The following PCDH15 variants were observed in gnomAD, a reference collection of about 807,000 sequenced individuals.
The protein encoded by PCDH15 is protocadherin related 15.
A neutral mutation model predicts 178.5 loss-of-function variants in PCDH15; 129 were observed. The observed-to-expected ratio is 0.72, with a 90% confidence interval of 0.63 to 0.84. The LOEUF is 0.84. PCDH15 is among the 40% of genes least tolerant of loss of function. The probability of loss-of-function intolerance (pLI) is 0.00; values close to 1 mark genes in which losing one functional copy is unlikely to be tolerated. For missense variants in PCDH15, 2,230 were observed against 2,099.9 expected (o/e 1.06, Z -1.21); for synonymous variants, 800 against 732.0 (o/e 1.09, Z -1.50).
intron 5 of PCDH15, among the ~76,000 whole-genome samples, chr10:54,348,507 C>T (rs1259992395): frequency 1.3e-5 from 2 of 152,052 alleles, no homozygotes; most frequent in African/African-American, 4.8e-5. Flanking sequence ...AAAAGACATC[C>T]TTATCTTTTA....
chr10:55,275,712 T>C (rs1842576719), intron 1 of PCDH15, among the ~76,000 whole-genome samples: 1 of 151,586 alleles, frequency 6.6e-6, no homozygotes, highest in African/African-American at 2.4e-5. Context: ...TCTCTTTTTT[T>C]TTTTTTCCTG....
chr10:54,414,034 A>C (rs1253310342), intron 3 of PCDH15, among the ~76,000 whole-genome samples: 1 of 152,200 alleles, frequency 6.6e-6, no homozygotes, highest in African/African-American at 2.4e-5. Context: ...TCACTACTAC[A>C]CAATATATAC....
Position 54,132,930 on chromosome 10 carries a change from T to C in PCDH15, c.1862A>G (p.Tyr621Cys). 1 of 1,614,084 alleles carries C rather than the reference T, an allele frequency of 6.2e-7. No homozygotes were observed. Among genetic ancestry groups the C allele is most frequent in the South Asian group, 1.1e-5 (1 of 91,086 alleles). The change falls in exon 15 of 38, where the codon TAT (tyrosine) becomes TGT (cysteine). Residue 621 changes from tyrosine to cysteine, a missense_variant. Physicochemically the swap from Tyr to Cys is radical, Grantham distance 194 (BLOSUM62 -2). Coordinates refer to ENST00000644397, the MANE Select transcript of PCDH15 (RefSeq NM_001384140.1). ...CATGGCTTCACTAATTTCAAGGCTATACATCAGCTGTGGGAAGCGAGGAGG... is the reference window on the plus strand; with the variant it reads ...CATGGCTTCACTAATTTCAAGGCTACACATCAGCTGTGGGAAGCGAGGAGG... ...QSPPRFPQLM[Y>C]SLEISEAMRV... is the part of the protein sequence containing the mutation.
intron 3 of PCDH15, among the ~76,000 whole-genome samples, chr10:54,467,619 T>G (rs2077614764): frequency 6.8e-6 from 1 of 147,774 alleles, no homozygotes; most frequent in Non-Finnish European, 1.5e-5. Context: ...TTTTTTTTTT[T>G]TTTTTTTGGT....
At chr10:53,951,920 GC>G (rs2087096543) in intron 23 of PCDH15, among the ~76,000 whole-genome samples, 1 of 152,148 alleles carries the variant, frequency 6.6e-6, no homozygotes, top group African/African-American at 2.4e-5. Flanking sequence ...GGGAAGGGTG[GC>G]CCCAGGTGCC....
At chr10:54,827,042 A>T (rs1564544492) in intron 3 of PCDH15, among the ~76,000 whole-genome samples, 1 of 152,130 alleles carries the variant, frequency 6.6e-6, no homozygotes, top group Non-Finnish European at 1.5e-5. Context: ...TGTGCATGCC[A>T]GGAACCTGGT....
In PCDH15 at chr10:54,951,091, A is replaced by G. The variant is rs182938735; in HGVS notation, c.-79-53591T>C. Among the ~76,000 whole-genome samples, 302 of 152,064 alleles carry G rather than the reference A, an allele frequency of 2.0e-3. 3 individuals are homozygous for G. Among genetic ancestry groups the G allele is most frequent in the Non-Finnish European group, 3.6e-3 (247 of 67,934 alleles). On this transcript the variant is annotated intron_variant, in intron 2 of 5. Transcript: ENST00000458638. ...ACTTATTAACCAAAATTTGTATTTT[A>G]CATTAGAGTTCACATTTTGTGTTGT... is the stretch of plus-strand genomic sequence containing the variant.
At chr10:55,137,683 G>A (rs1286507156) in intron 2 of PCDH15, among the ~76,000 whole-genome samples, 6 of 152,060 alleles carry the variant, frequency 3.9e-5, no homozygotes, top group African/African-American at 9.7e-5. Flanking sequence ...AATATTATAT[G>A]TTACTTACTG....
intron 21 of PCDH15, among the ~76,000 whole-genome samples, chr10:53,964,715 T>C (rs1048845829): frequency 6.6e-6 from 1 of 152,134 alleles, no homozygotes; most frequent in African/African-American, 2.4e-5. Context: ...TTTCACCTAG[T>C]GGTGGATGGT....
chr10:55,275,977 T>C (rs955373717), intron 1 of PCDH15, among the ~76,000 whole-genome samples: 3 of 151,308 alleles, frequency 2.0e-5, no homozygotes, highest in Non-Finnish European at 3.0e-5. Flanking sequence ...ATAAAATATA[T>C]ATTTTTCTAG....
intron 14 of PCDH15, among the ~76,000 whole-genome samples, chr10:54,147,026 T>C (rs577212980): frequency 1.7e-4 from 25 of 146,662 alleles, no homozygotes; most frequent in African/African-American, 5.7e-4. Context: ...TGTGTATATA[T>C]ACAAATATAT....
chr10:55,538,996 TTTCCTTCCC>T (rs1841695224), intron 2 of PCDH15, among the ~76,000 whole-genome samples: 1 of 123,252 alleles, frequency 8.1e-6, no homozygotes, highest in African/African-American at 3.0e-5. Context: ...TCCTTCCTCC[TTTCCTTCCC>T]TCCTCCTTTC....
At position 54,354,673 on chromosome 10, in the gene PCDH15, A is replaced by T. The variant is rs142211918; in HGVS notation, c.475-8189T>A. On this transcript the variant is annotated intron_variant, in intron 5 of 37. Coordinates refer to ENST00000644397, the MANE Select transcript of PCDH15 (RefSeq NM_001384140.1). ...ACTCCATGATCCATGTTTCTAAACC[A>T]TAATTTATTTCATATTAAAAAATCA... Among the ~76,000 whole-genome samples, 1,005 of 152,320 alleles carry T rather than the reference A, an allele frequency of 6.6e-3. 11 individuals carry two copies. Among genetic ancestry groups the T allele is most frequent in the African/African-American group, 0.023 (976 of 41,580 alleles).
chr10:54,443,987 A>G (rs1460886844), intron 3 of PCDH15, among the ~76,000 whole-genome samples: 4 of 151,714 alleles, frequency 2.6e-5, no homozygotes, highest in African/African-American at 9.7e-5. Flanking sequence ...ATCTACATAC[A>G]AAGTCTTCAT....
rs533268296 is a variant in PCDH15, at chr10:54,341,389, A to G, written c.594+4976T>C. On this transcript the variant is annotated intron_variant, in intron 6 of 37. Coordinates refer to ENST00000644397, the MANE Select transcript of PCDH15 (RefSeq NM_001384140.1). ...TTTTGCTCTTTCTGCCTCCTGCTGC[A>G]TGTAAGATACACCATGCTTCTCCTT... Among the ~76,000 whole-genome samples, 177 of 152,298 alleles carry G rather than the reference A, an allele frequency of 1.2e-3. 2 individuals are homozygous for G. The highest frequency in any genetic ancestry group is 1.9e-3 in the Non-Finnish European group (130 of 68,038).
At chr10:53,906,294 G>A (rs2133707484) in intron 25 of PCDH15, among the ~76,000 whole-genome samples, 1 of 151,912 alleles carries the variant, frequency 6.6e-6, no homozygotes, top group South Asian at 2.1e-4. Flanking sequence ...TTAGGCAGTT[G>A]TTATGTATCC....
chr10:55,156,649 C>A (rs944934583), intron 2 of PCDH15, among the ~76,000 whole-genome samples: 30 of 152,122 alleles, frequency 2.0e-4, no homozygotes, highest in Non-Finnish European at 3.4e-4. Flanking sequence ...CTTATTCCCA[C>A]TCTGCATCTT....
intron 3 of PCDH15, among the ~76,000 whole-genome samples, chr10:54,449,745 A>G (rs1589464564): frequency 6.6e-6 from 1 of 151,872 alleles, no homozygotes; most frequent in Admixed American, 6.6e-5. Flanking sequence ...GATTTAAAAT[A>G]TATGAGAGAA....
At chr10:55,366,744 T>G (rs746749614) in intron 2 of PCDH15, among the ~76,000 whole-genome samples, 1 of 152,198 alleles carries the variant, frequency 6.6e-6, no homozygotes, top group Non-Finnish European at 1.5e-5. Flanking sequence ...TTTTTACCTA[T>G]GTAGCTCAGA....
Sources: allele counts gnomAD v4.1 joint callset (sites outside exome capture counted in the v4.1 genomes callset), GRCh38; gene constraint gnomAD v4.1.1; transcripts MANE v1.5; gene names NCBI Gene and HGNC (gene_info 2026-07-23, HGNC 2026-07-21).